Variants in HERC1 observed in about 807,000 individuals in gnomAD.
The protein encoded by HERC1 is HECT and RLD domain containing E3 ubiquitin protein ligase family member 1.
HERC1 carries 160 observed loss-of-function variants against 554.3 expected under a neutral mutation model. The observed-to-expected ratio is 0.29, with a 90% CI of 0.25 to 0.33. The LOEUF (loss-of-function observed/expected upper bound fraction) is 0.33, where lower values mean the gene tolerates loss of function less well. Ranked by LOEUF, HERC1 falls within the 10% of genes least tolerant of loss-of-function variation. The pLI, the probability that HERC1 is intolerant of heterozygous loss-of-function variation, is 1.00. For synonymous variants in HERC1, 2,175 were observed against 2,131.7 expected (o/e 1.02, Z -0.56); for missense variants, 4,919 against 5,918.5 (o/e 0.83, Z 5.54).
intron 12 of HERC1, among the ~76,000 whole-genome samples, chr15:63,736,056 T>C (rs1028433323): frequency 2.6e-5 from 4 of 151,298 alleles, no homozygotes; most frequent in African/African-American, 9.7e-5. Context: ...AAGACCCCCC[T>C]CCCCAGAATG....
rs771033818 is a variant in HERC1, at chr15:63,727,749, A to G, written c.3244T>C (p.Leu1082=). 8 of 1,614,020 alleles carry G rather than the reference A, an allele frequency of 5.0e-6. No individual in the cohort carries two copies. The highest frequency in any genetic ancestry group is 1.3e-5 in the African/African-American group (1 of 75,064). Reference sequence around the variant, plus strand: ...GGCAACAAGTCGAGGAGGTAACTCAATAAAGGCCGAGCCACTGACACAGGG... The same window carrying G: ...GGCAACAAGTCGAGGAGGTAACTCAGTAAAGGCCGAGCCACTGACACAGGG... The part of the protein sequence containing the change: ...LLPVSVARPL[L]SYLLDLLPPL... The change falls in exon 17 of 78, where the codon TTG becomes CTG. Residue 1082 remains leucine (L), a synonymous_variant. Coordinates refer to ENST00000443617, the MANE Select transcript of HERC1 (RefSeq NM_003922.4). The surrounding 1 kb of genome is among the most constrained non-coding windows in gnomAD (Gnocchi z 4.3).
Position 63,758,076 on chromosome 15 carries a change from T to C in HERC1, c.1221+99A>G, listed in dbSNP as rs1228263506. On this transcript the variant is annotated intron_variant, in intron 4 of 77. Transcript: ENST00000443617. The surrounding 1 kb of genome is among the most constrained non-coding windows in gnomAD (Gnocchi z 4.0). ...ATAGACCAGAAATAACCATCGATAA[T>C]TTTCACTCATTTAAAAAATACTCAG... The C allele has an allele frequency of 4.7e-6, 4 of 842,804 alleles. No individual in the cohort carries two copies. Among genetic ancestry groups the C allele is most frequent in the Non-Finnish European group, 7.3e-6 (4 of 551,016 alleles). The allele number at this position is 842,804 out of a possible 1,614,324, so 52.2% of individuals were successfully genotyped here.
At chr15:63,686,069 A>C in intron 34 of HERC1, among the ~76,000 whole-genome samples, 1 of 152,134 alleles carries the variant, frequency 6.6e-6, no homozygotes, top group East Asian at 1.9e-4. Context: ...CTTCATTTTC[A>C]TTGCTAGAAG....
chr15:63,764,567 C>T (rs1390338333), intron 2 of HERC1, among the ~76,000 whole-genome samples: 3 of 152,160 alleles, frequency 2.0e-5, no homozygotes, highest in Admixed American at 2.0e-4. Flanking sequence ...GTATATTGCC[C>T]ACCTGCCTTC....
chr15:63,614,162 A>C (rs1239209704), intron 76 of HERC1, among the ~76,000 whole-genome samples: 1 of 152,212 alleles, frequency 6.6e-6, no homozygotes, highest in Non-Finnish European at 1.5e-5. Flanking sequence ...GAACAGAACA[A>C]AGCCAGGGCA....
intron 31 of HERC1, among the ~76,000 whole-genome samples, chr15:63,691,837 A>T (rs1595986698): frequency 1.3e-5 from 2 of 152,234 alleles, no homozygotes; most frequent in Non-Finnish European, 2.9e-5. Flanking sequence ...TAATGTCACT[A>T]AATTGTATAT....
At chr15:63,830,436 C>G (rs1314862711) in intron 1 of HERC1, among the ~76,000 whole-genome samples, 1 of 151,788 alleles carries the variant, frequency 6.6e-6, no homozygotes. Flanking sequence ...TCGTGAAAAA[C>G]AAAAACTGAG....
At chr15:63,743,910 G>C (rs1174690165) in intron 12 of HERC1, among the ~76,000 whole-genome samples, 1 of 152,100 alleles carries the variant, frequency 6.6e-6, no homozygotes, top group South Asian at 2.1e-4. Context: ...TTCACTGTCT[G>C]GGCTTATCTG....
chr15:63,737,470 TCTTTTTTCCAG>T (rs1284630788), intron 12 of HERC1, among the ~76,000 whole-genome samples: 5 of 113,368 alleles, frequency 4.4e-5, no homozygotes, highest in Admixed American at 9.2e-5. Context: ...TATATATATA[TCTTTTTTCCAG>T]ATATATATAT....
intron 71 of HERC1, among the ~76,000 whole-genome samples, chr15:63,625,652 C>T (rs963407900): frequency 2.7e-5 from 4 of 150,144 alleles, no homozygotes. Context: ...TGAGATTGCG[C>T]CACTGCACTC....
intron 2 of HERC1, among the ~76,000 whole-genome samples, chr15:63,766,156 T>A (rs2075769576): frequency 6.6e-6 from 1 of 151,920 alleles, no homozygotes; most frequent in South Asian, 2.1e-4. Context: ...TATTAGTAAA[T>A]ATTAAAATGT....
Position 63,756,495 on chromosome 15 carries a change from T to A in HERC1, c.1475A>T (p.His492Leu). The change falls in exon 5 of 78, where the codon CAT becomes CTT. Residue 492 changes from histidine to leucine, a missense_variant. Physicochemically the swap from His to Leu is moderately conservative, Grantham distance 99. Transcript: ENST00000443617. The surrounding 1 kb of genome is among the most constrained non-coding windows in gnomAD (Gnocchi z 5.0). ...ATATTTCTGTGTTGAACTATTTCCATGCCCCAGTTTCCCATAATCACCATC... is the reference window on the plus strand; with the variant it reads ...ATATTTCTGTGTTGAACTATTTCCAAGCCCCAGTTTCCCATAATCACCATC... ...WGDGDYGKLG[H>L]GNSSTQKYPK... 1 of 1,614,040 alleles carries A rather than the reference T, an allele frequency of 6.2e-7. No individual in the cohort carries two copies.
intron 2 of HERC1, among the ~76,000 whole-genome samples, chr15:63,770,110 A>C (rs569424152): frequency 6.6e-6 from 1 of 152,228 alleles, no homozygotes; most frequent in African/African-American, 2.4e-5. Context: ...CCTAGCTTGC[A>C]GCCTCAATCT....
In HERC1 at chr15:63,677,001, G is replaced by A. The variant is rs2071245385; in HGVS notation, c.7070+844C>T. Among the ~76,000 whole-genome samples, 1 of 152,150 alleles carries A rather than the reference G, an allele frequency of 6.6e-6. No individual in the cohort carries two copies. The highest frequency in any genetic ancestry group is 2.4e-5 in the African/African-American group (1 of 41,436). On this transcript the variant is annotated intron_variant, in intron 37 of 77. Transcript: ENST00000443617. This position sits in a 1 kb window ranked among gnomAD's most constrained non-coding sequence, Gnocchi z 4.4. The stretch of plus-strand genomic sequence containing the variant: ...AATGCACAGGATCAGAAGTGTTCTG[G>A]ATTTCAGATTTTTTTCCCAAATTTT...
intron 26 of HERC1, among the ~76,000 whole-genome samples, chr15:63,696,988 T>C (rs923018794): frequency 3.3e-5 from 5 of 151,762 alleles, no homozygotes; most frequent in African/African-American, 1.2e-4. Context: ...AGAAAAGTTG[T>C]AAAGATGGTA....
At position 63,647,661 on chromosome 15, in the gene HERC1, A is replaced by G. The variant is rs1260017831; in HGVS notation, c.10878+408T>C. On this transcript the variant is annotated intron_variant, in intron 55 of 77. Coordinates refer to ENST00000443617, the MANE Select transcript of HERC1 (RefSeq NM_003922.4). ...TGGTATATATAAACAATGGAATACT[A>G]TGCAGCCATAAAAAGAATGAAATCA... Among the ~76,000 whole-genome samples, 5 of 152,270 alleles carry G rather than the reference A, an allele frequency of 3.3e-5. No individual in the cohort carries two copies. In the East Asian group the frequency reaches 9.6e-4, roughly 29 times the overall value.
At chr15:63,830,771 T>A (rs987596672) in intron 1 of HERC1, among the ~76,000 whole-genome samples, 1 of 152,216 alleles carries the variant, frequency 6.6e-6, no homozygotes, top group African/African-American at 2.4e-5. Context: ...AATCATCTGA[T>A]ACAACTGTCA....
chr15:63,726,796 C>G (rs566788541), intron 17 of HERC1, among the ~76,000 whole-genome samples: 1 of 151,684 alleles, frequency 6.6e-6, no homozygotes, highest in Non-Finnish European at 1.5e-5. Flanking sequence ...TTTCAGTGAA[C>G]AGGAATAAAA....
At chr15:63,748,020 G>A (rs1336910735) in intron 10 of HERC1, among the ~76,000 whole-genome samples, 162 bp from the exon 11 acceptor site, 6 of 152,142 alleles carry the variant, frequency 3.9e-5, no homozygotes, top group Admixed American at 2.0e-4. Context: ...GAGGTGAGGA[G>A]TTCAAGACCA....
Sources: allele counts gnomAD v4.1 joint callset (sites outside exome capture counted in the v4.1 genomes callset), GRCh38; gene constraint gnomAD v4.1.1; non-coding constraint Gnocchi (gnomAD v3.1); transcripts MANE v1.5; gene names NCBI Gene and HGNC (gene_info 2026-07-23, HGNC 2026-07-21).